The following FOCAD variants were observed in gnomAD, a reference collection of about 807,000 sequenced individuals.
The protein encoded by FOCAD is focadhesin, also known as KIAA1797.
FOCAD carries 198 observed loss-of-function variants against 225.6 expected under a neutral mutation model. The ratio of observed to expected loss-of-function variants is 0.88; its 90% CI spans 0.78 to 0.99. The LOEUF is 0.99. FOCAD is among the 50% of genes least tolerant of loss of function. The pLI is 0.00. For synonymous variants in FOCAD, 897 were observed against 755.0 expected (o/e 1.19, Z -3.08); for missense variants, 2,713 against 2,123.6 (o/e 1.28, Z -5.46).
chr9:20,729,917 C>T (rs1826532289), intron 4 of FOCAD, among the ~76,000 whole-genome samples: 1 of 152,064 alleles, frequency 6.6e-6, no homozygotes, highest in African/African-American at 2.4e-5. Flanking sequence ...GCCTTGACTT[C>T]CCCCACCTCC....
intron 2 of FOCAD, among the ~76,000 whole-genome samples, chr9:20,669,123 C>A (rs552026739): frequency 3.6e-4 from 54 of 152,112 alleles, no homozygotes; most frequent in Non-Finnish European, 6.9e-4. Context: ...TTGTGCTTCA[C>A]CAAGGACCAT....
At chr9:20,986,093 C>T (rs1056496570) in intron 39 of FOCAD, among the ~76,000 whole-genome samples, 195 bp from the exon 40 acceptor site, 2 of 151,906 alleles carry the variant, frequency 1.3e-5, no homozygotes, top group African/African-American at 4.8e-5. Context: ...AATGAAGGAG[C>T]AGGAGATGGC....
chr9:20,705,075 C>G (rs1428716039), intron 1 of FOCAD, among the ~76,000 whole-genome samples: 3 of 152,108 alleles, frequency 2.0e-5, no homozygotes, highest in Non-Finnish European at 4.4e-5. Context: ...GTGTCTTAAT[C>G]TGTAAAATGA....
chr9:20,742,077 A>T (rs573801119), intron 5 of FOCAD, among the ~76,000 whole-genome samples: 2 of 152,286 alleles, frequency 1.3e-5, no homozygotes, highest in East Asian at 3.9e-4. Context: ...CATCTTCATC[A>T]TCTCCAAAGA....
intron 15 of FOCAD, among the ~76,000 whole-genome samples, chr9:20,832,516 C>T (rs1368224085): frequency 1.3e-5 from 2 of 151,936 alleles, no homozygotes; most frequent in Non-Finnish European, 2.9e-5. Flanking sequence ...AGTAATCATC[C>T]TTTCGAGTAT....
chr9:20,692,294 T>A (rs1198311493), intron 1 of FOCAD, among the ~76,000 whole-genome samples: 1 of 152,180 alleles, frequency 6.6e-6, no homozygotes, highest in Non-Finnish European at 1.5e-5. Context: ...GTATCATCCT[T>A]GACTCTTCTT....
At position 20,993,133 on chromosome 9, in the gene FOCAD, C is replaced by T. The variant is rs1841807568; in HGVS notation, c.5257-120C>T. On this transcript the variant is annotated intron_variant, in intron 42 of 43. Coordinates refer to ENST00000338382, the MANE Select transcript of FOCAD (RefSeq NM_001375567.1). ...AGGTATTGCCTAAGAACTGTAATCC[C>T]AGCTACTGGGGAGGCTGAGGCAGGA... The T allele has an allele frequency of 1.9e-5, 14 of 720,990 alleles. No individual in the cohort carries two copies. In the South Asian group the frequency reaches 2.2e-4, roughly 11 times the overall value. The allele number at this position is 720,990 out of a possible 1,614,324, so 44.7% of individuals were successfully genotyped here.
At chr9:20,980,856 G>T (rs1341353865) in intron 37 of FOCAD, among the ~76,000 whole-genome samples, 1 of 152,112 alleles carries the variant, frequency 6.6e-6, no homozygotes, top group Non-Finnish European at 1.5e-5. Flanking sequence ...TTACTAACAT[G>T]CCCTTTCTTG....
At position 20,928,598 on chromosome 9, in the gene FOCAD, A is replaced by T. The variant is rs1359801554; in HGVS notation, c.3079-760A>T. Among the ~76,000 whole-genome samples the T allele has an allele frequency of 2.0e-5, 3 of 152,146 alleles. No homozygotes were observed. The East Asian group carries it at 5.8e-4, about 29-fold the overall frequency. On this transcript the variant is annotated intron_variant, in intron 26 of 43. Transcript: ENST00000338382. ...TAGAGCTCTCTAACCTGGGATTCTT[A>T]TAGAAGCTGTTCATATTCAGCTGCT...
intron 14 of FOCAD, 57 bp from the exon 15 acceptor site, chr9:20,822,932 G>T (rs543570387): frequency 2.0e-6 from 3 of 1,501,542 alleles, no homozygotes; most frequent in South Asian, 1.3e-5. Context: ...CAAAAGATCT[G>T]GGAGTGATAA....
At chr9:20,733,909 G>A (rs555498725) in intron 4 of FOCAD, among the ~76,000 whole-genome samples, 18 of 152,256 alleles carry the variant, frequency 1.2e-4, no homozygotes, top group Non-Finnish European at 1.5e-5. Context: ...GCTTAGGTTC[G>A]AGCATCACTT....
chr9:20,794,861 T>A (rs1820890423), intron 11 of FOCAD, among the ~76,000 whole-genome samples: 1 of 152,148 alleles, frequency 6.6e-6, no homozygotes, highest in African/African-American at 2.4e-5. Flanking sequence ...GTAATGGCAA[T>A]AAAGCCCTTT....
intron 15 of FOCAD, among the ~76,000 whole-genome samples, chr9:20,828,247 C>T (rs180762948): frequency 3.1e-4 from 47 of 152,014 alleles, no homozygotes; most frequent in Middle Eastern, 3.4e-3. Flanking sequence ...TAGTTTGCTC[C>T]ACTGTCACAG....
At chr9:20,847,975 C>A (rs981967255) in intron 15 of FOCAD, among the ~76,000 whole-genome samples, 1 of 151,874 alleles carries the variant, frequency 6.6e-6, no homozygotes, top group African/African-American at 2.4e-5. Context: ...AAGTGTGACT[C>A]AAGTATTCTA....
intron 42 of FOCAD, among the ~76,000 whole-genome samples, chr9:20,991,982 A>G (rs72704000): frequency 0.017 from 2,534 of 152,310 alleles, 24 homozygotes; most frequent in South Asian, 0.034. Flanking sequence ...AAAACTGAGA[A>G]AAGGAAAATC....
intron 1 of FOCAD, among the ~76,000 whole-genome samples, chr9:20,690,905 C>CTTT (rs1822933268): frequency 1.5e-5 from 2 of 130,210 alleles, no homozygotes; most frequent in Non-Finnish European, 3.3e-5. Flanking sequence ...GACCTGTCAG[C>CTTT]ATTTTTTTTT....
intron 15 of FOCAD, among the ~76,000 whole-genome samples, chr9:20,848,472 C>T (rs1197284048): frequency 6.6e-6 from 1 of 151,988 alleles, no homozygotes; most frequent in East Asian, 1.9e-4. Context: ...GATTTTATTG[C>T]TGGCTTTGGG....
chr9:20,935,443 T>A lies in FOCAD; in HGVS notation c.3407+2340T>A, dbSNP rs377656413. On this transcript the variant is annotated intron_variant, in intron 28 of 43. Coordinates refer to ENST00000338382, the MANE Select transcript of FOCAD (RefSeq NM_001375567.1). Reference sequence around the variant, plus strand: ...TAGACATAATCTCACTCTTATTGCCTAGGCTGGAGTGCAATGGTGGAATCT... The same window carrying A: ...TAGACATAATCTCACTCTTATTGCCAAGGCTGGAGTGCAATGGTGGAATCT... Among the ~76,000 whole-genome samples, 119 of 152,266 alleles carry A rather than the reference T, an allele frequency of 7.8e-4. 1 individual carries two copies. The highest frequency in any genetic ancestry group is 2.7e-3 in the African/African-American group (113 of 41,562).
chr9:20,842,410 T>G (rs1826630100), intron 15 of FOCAD, among the ~76,000 whole-genome samples: 1 of 151,988 alleles, frequency 6.6e-6, no homozygotes, highest in Non-Finnish European at 1.5e-5. Flanking sequence ...TGCCTTTATA[T>G]CTGGGTATGC....
Sources: allele counts gnomAD v4.1 joint callset (sites outside exome capture counted in the v4.1 genomes callset), GRCh38; gene constraint gnomAD v4.1.1; transcripts MANE v1.5; gene names NCBI Gene and HGNC (gene_info 2026-07-23, HGNC 2026-07-21).